Variants in CNTN3 observed in about 807,000 individuals in gnomAD.
CNTN3 encodes the protein contactin-3.
Under a neutral mutation model 119.1 loss-of-function variants are expected in CNTN3, and 60 were observed. The observed-to-expected ratio is 0.50, with a 90% CI of 0.41 to 0.62. The LOEUF (loss-of-function observed/expected upper bound fraction) is 0.62, where lower values mean the gene tolerates loss of function less well. CNTN3 is among the 20% of genes least tolerant of loss of function. The probability of loss-of-function intolerance (pLI) is 0.00; values close to 1 mark genes in which losing one functional copy is unlikely to be tolerated. For missense variants in CNTN3, 1,101 were observed against 1,242.4 expected (o/e 0.89, Z 1.71); for synonymous variants, 450 against 438.7 (o/e 1.03, Z -0.32).
intron 1 of CNTN3, among the ~76,000 whole-genome samples, chr3:74,542,908 C>T (rs1320602944): frequency 6.6e-6 from 1 of 152,084 alleles, no homozygotes; most frequent in East Asian, 1.9e-4. Context: ...TGCTTGAGGC[C>T]AGGAGTTCCA....
intron 1 of CNTN3, among the ~76,000 whole-genome samples, chr3:74,571,304 C>T (rs969468263): frequency 1.3e-5 from 2 of 152,162 alleles, no homozygotes; most frequent in Non-Finnish European, 2.9e-5. Flanking sequence ...GACATTGACT[C>T]AGCTGGGGAG....
chr3:74,479,145 T>C (rs1702713834), intron 4 of CNTN3, among the ~76,000 whole-genome samples: 1 of 151,930 alleles, frequency 6.6e-6, no homozygotes, highest in Non-Finnish European at 1.5e-5. Flanking sequence ...CAAGTAATAA[T>C]ATGTGTGAAA....
At chr3:74,407,917 T>G (rs6796870) in intron 5 of CNTN3, among the ~76,000 whole-genome samples, 1 of 151,966 alleles carries the variant, frequency 6.6e-6, no homozygotes, top group East Asian at 1.9e-4. Context: ...TCCTGTATGA[T>G]AGGAAACATA....
At chr3:74,556,996 T>C (rs1704078918) in intron 1 of CNTN3, among the ~76,000 whole-genome samples, 2 of 152,204 alleles carry the variant, frequency 1.3e-5, no homozygotes, top group Non-Finnish European at 2.9e-5. Flanking sequence ...TGTCTTTTTA[T>C]TGTTGCATCG....
At chr3:74,565,029 A>T (rs1704206227) in intron 1 of CNTN3, among the ~76,000 whole-genome samples, 1 of 152,122 alleles carries the variant, frequency 6.6e-6, no homozygotes, top group Non-Finnish European at 1.5e-5. Context: ...GCAAGGGCAA[A>T]TCTACCTTCT....
At chr3:74,526,569 G>C (rs139259857) in intron 1 of CNTN3, among the ~76,000 whole-genome samples, 306 of 151,770 alleles carry the variant, frequency 2.0e-3, no homozygotes, top group African/African-American at 6.4e-3. Flanking sequence ...TGGCCAGATA[G>C]GTAATCAAAG....
intron 3 of CNTN3, among the ~76,000 whole-genome samples, chr3:74,491,677 T>C (rs538924958): frequency 6.6e-6 from 1 of 152,292 alleles, no homozygotes; most frequent in Non-Finnish European, 1.5e-5. Context: ...CATTCAGTAG[T>C]AAGCTGTGAC....
intron 3 of CNTN3, among the ~76,000 whole-genome samples, chr3:74,496,396 A>G (rs1703064050): frequency 6.6e-6 from 1 of 152,132 alleles, no homozygotes; most frequent in African/African-American, 2.4e-5. Flanking sequence ...AGCAGTTATG[A>G]TCACATAATG....
intron 8 of CNTN3, among the ~76,000 whole-genome samples, chr3:74,366,232 C>A (rs1251555543): frequency 6.6e-6 from 1 of 151,966 alleles, no homozygotes; most frequent in Non-Finnish European, 1.5e-5. Flanking sequence ...ATCTTAAGAA[C>A]CTCTGAGTGA....
chr3:74,508,071 T>C (rs185238123), intron 2 of CNTN3, among the ~76,000 whole-genome samples: 31 of 152,266 alleles, frequency 2.0e-4, no homozygotes, highest in African/African-American at 6.7e-4. Context: ...AGGCTTTGTG[T>C]CTCCACCCAA....
intron 8 of CNTN3, 126 bp from the exon 9 acceptor site, chr3:74,365,828 G>A (rs1019139210): frequency 1.4e-5 from 15 of 1,036,098 alleles, no homozygotes; most frequent in East Asian, 5.3e-5. Context: ...AGATTGAAGT[G>A]AGAACAGAGG....
intron 19 of CNTN3, among the ~76,000 whole-genome samples, chr3:74,293,437 T>C (rs1702274632): frequency 6.6e-6 from 1 of 152,188 alleles, no homozygotes; most frequent in Non-Finnish European, 1.5e-5. Flanking sequence ...CCAAGTCATA[T>C]GATAACTGAA....
intron 5 of CNTN3, among the ~76,000 whole-genome samples, chr3:74,424,173 C>T (rs937660479): frequency 2.0e-5 from 3 of 151,896 alleles, no homozygotes; most frequent in African/African-American, 4.8e-5. Context: ...ATAGAGAGCA[C>T]GATAGGAAAA....
intron 20 of CNTN3, among the ~76,000 whole-genome samples, chr3:74,274,195 C>A (rs1701836230): frequency 6.6e-6 from 1 of 152,082 alleles, no homozygotes; most frequent in African/African-American, 2.4e-5. Context: ...GTCCTGCCCC[C>A]ACCTCATGGT....
At chr3:74,299,024 T>C (rs548238487) in intron 17 of CNTN3, among the ~76,000 whole-genome samples, 8 of 152,026 alleles carry the variant, frequency 5.3e-5, no homozygotes, top group Admixed American at 2.0e-4. Flanking sequence ...CTGGCCAACA[T>C]AGCAAAACTC....
intron 16 of CNTN3, among the ~76,000 whole-genome samples, chr3:74,300,384 A>G (rs1311368629): frequency 3.9e-5 from 6 of 152,182 alleles, no homozygotes; most frequent in Non-Finnish European, 8.8e-5. Flanking sequence ...GGTATTATTT[A>G]TAAACTTCAC....
At chr3:74,593,015 T>C (rs996596219) in intron 1 of CNTN3, among the ~76,000 whole-genome samples, 2 of 151,998 alleles carry the variant, frequency 1.3e-5, no homozygotes, top group Non-Finnish European at 2.9e-5. Flanking sequence ...TAAACGAATA[T>C]GCAAATTGAC....
At chr3:74,491,766 AT>A (rs1702968885) in intron 3 of CNTN3, among the ~76,000 whole-genome samples, 1 of 152,194 alleles carries the variant, frequency 6.6e-6, no homozygotes, top group Non-Finnish European at 1.5e-5. Context: ...CATATTCATA[AT>A]TCTTTGTAAA....
intron 1 of CNTN3, among the ~76,000 whole-genome samples, chr3:74,581,374 C>T (rs1386129021): frequency 1.3e-5 from 2 of 152,216 alleles, no homozygotes; most frequent in South Asian, 2.1e-4. Flanking sequence ...AAAAACCATA[C>T]TTGCATTAGC....
Sources: gnomAD v4.1 joint callset for allele counts (sites outside exome capture counted in the v4.1 genomes callset) on GRCh38, gnomAD v4.1.1 for gene constraint, MANE v1.5 for transcripts, NCBI Gene and HGNC (gene_info 2026-07-23, HGNC 2026-07-21) for gene names.